Variants in IPPK observed in about 807,000 individuals in gnomAD.
IPPK encodes the protein inositol-pentakisphosphate 2-kinase.
In IPPK, 22 loss-of-function variants were observed where a neutral mutation model predicts 64.6. That is an observed-to-expected ratio of 0.34 (90% CI 0.24 to 0.49). The LOEUF is 0.49. Among genes scored for constraint, IPPK ranks in the 20% least tolerant of loss-of-function variants. IPPK has a pLI of 0.99. For missense variants in IPPK, 532 were observed against 630.7 expected, an observed-to-expected ratio of 0.84 and a Z score of 1.68; for synonymous variants, 262 against 247.2, an observed-to-expected ratio of 1.06 and a Z score of -0.56.
chr9:92,626,697 C>A (rs1375422788), intron 11 of IPPK, among the ~76,000 whole-genome samples: 1 of 152,010 alleles, frequency 6.6e-6, no homozygotes, highest in Non-Finnish European at 1.5e-5. Flanking sequence ...CATAAATCCA[C>A]AAATAGAGAA....
intron 12 of IPPK, chr9:92,618,799 T>C (rs1166455025): frequency 2.8e-6 from 1 of 353,872 alleles, no homozygotes; most frequent in Non-Finnish European, 5.6e-6. Flanking sequence ...GGAAAGTGAG[T>C]GGCTGGCAGC....
chr9:92,631,560 T>C (rs1253061504), intron 11 of IPPK, among the ~76,000 whole-genome samples: 1 of 152,208 alleles, frequency 6.6e-6, no homozygotes, highest in Non-Finnish European at 1.5e-5. Flanking sequence ...ACTCCTCAGC[T>C]TCAGCTTCAC....
chr9:92,655,668 T>C (rs1363394231), intron 3 of IPPK, among the ~76,000 whole-genome samples: 1 of 152,224 alleles, frequency 6.6e-6, no homozygotes, highest in Non-Finnish European at 1.5e-5. Context: ...CTGGTGGATC[T>C]TGCCTCCAAG....
At chr9:92,656,281 G>GA (rs1852370878) in intron 3 of IPPK, among the ~76,000 whole-genome samples, 175 bp downstream of exon 3, 1 of 152,166 alleles carries the variant, frequency 6.6e-6, no homozygotes, top group South Asian at 2.1e-4. Context: ...TCTCAGCTAG[G>GA]AAAGAGAAAC....
At chr9:92,640,618 G>A (rs1407455227) in intron 8 of IPPK, 92 bp downstream of exon 8, 10 of 857,430 alleles carry the variant, frequency 1.2e-5, no homozygotes, top group Admixed American at 1.7e-5. Context: ...CACACATGAC[G>A]TGCAGCCCAG....
intron 1 of IPPK, among the ~76,000 whole-genome samples, chr9:92,666,906 G>A (rs16908487): frequency 0.027 from 4,072 of 152,086 alleles, 57 homozygotes; most frequent in African/African-American, 0.032. Flanking sequence ...CAAGTCCTGC[G>A]CTGCACAGAA....
intron 9 of IPPK, among the ~76,000 whole-genome samples, chr9:92,636,687 T>C (rs543935305): frequency 6.6e-6 from 1 of 152,016 alleles, no homozygotes; most frequent in Non-Finnish European, 1.5e-5. Flanking sequence ...ATGATATAGA[T>C]ACAGATTTAT....
intron 11 of IPPK, among the ~76,000 whole-genome samples, chr9:92,623,519 C>A (rs1375317031): frequency 1.3e-5 from 2 of 151,602 alleles, no homozygotes; most frequent in Non-Finnish European, 2.9e-5. Flanking sequence ...TGACAAAGGG[C>A]TTCTATCCAG....
intron 11 of IPPK, among the ~76,000 whole-genome samples, chr9:92,628,863 G>C (rs991966586): frequency 9.9e-5 from 15 of 151,946 alleles, no homozygotes; most frequent in Non-Finnish European, 1.3e-4. Context: ...CTGGGTGACA[G>C]AGTGAGACTC....
intron 1 of IPPK, among the ~76,000 whole-genome samples, chr9:92,664,454 T>A (rs1173485463): frequency 6.6e-6 from 1 of 152,128 alleles, no homozygotes; most frequent in East Asian, 1.9e-4. Flanking sequence ...GTATGGGGCA[T>A]GTCCTCAAGC....
rs368420146 is a variant in IPPK, at chr9:92,638,038, G to A, written c.879C>T (p.Cys293=). 10 of 1,597,024 alleles carry A rather than the reference G, an allele frequency of 6.3e-6. No homozygotes were observed. The African/African-American group carries it at 6.7e-5, about 11-fold the overall frequency. ...GGCTCCTACTGAAAGGGCTGGCTTC[G>A]CAGACTCGCGGGCCCTGAGGCCCGA... ...PGLGPQGPRV[C]EASPFSRSLR... Residue 293 remains cysteine, a synonymous_variant, in exon 9 of 13, where the codon TGC becomes TGT. Coordinates refer to ENST00000287996, the MANE Select transcript of IPPK (RefSeq NM_022755.6).
At position 92,635,087 on chromosome 9, in the gene IPPK, C is replaced by T. The variant is rs376073558; in HGVS notation, c.1067+71G>A. The stretch of plus-strand genomic sequence containing the variant: ...TCCTGGGAAGCTGTGCCTTGGGAGG[C>T]GCATTCTTACCCTGCCCACTCCCAC... On this transcript the variant is annotated intron_variant, in intron 10 of 12. Transcript: ENST00000287996. This position sits in a 1 kb window ranked among gnomAD's most constrained non-coding sequence, Gnocchi z 4.4. 2.4e-4 allele frequency: 334 copies of T among 1,419,104 alleles called. 2 individuals carry two copies. In the East Asian group the frequency reaches 5.9e-3, roughly 25 times the overall value. The allele number at this position is 1,419,104 out of a possible 1,614,324, so 87.9% of individuals were successfully genotyped here. A position where few individuals can be genotyped will look rare whatever the true frequency, so the allele number is the denominator to read the frequency against.
At chr9:92,616,406 G>A (rs776176754) in intron 12 of IPPK, 8 of 205,284 alleles carry the variant, frequency 3.9e-5, no homozygotes, top group Admixed American at 1.6e-4. Context: ...ACATGTGAGC[G>A]ATGTTCCCCC....
In IPPK at chr9:92,618,572, C is replaced by T. The variant is rs73526054; in HGVS notation, c.1250+914G>A. 1,091 of 456,668 alleles carry T rather than the reference C, an allele frequency of 2.4e-3. 14 individuals carry two copies. The highest frequency in any genetic ancestry group is 0.019 in the African/African-American group (960 of 50,166). The allele number at this position is 456,668 out of a possible 1,614,324, so 28.3% of individuals were successfully genotyped here. On this transcript the variant is annotated intron_variant, in intron 12 of 12. Coordinates refer to ENST00000287996, the MANE Select transcript of IPPK (RefSeq NM_022755.6). ...GGTATCTTCGTGGGTTTTCTCTCAT[C>T]GAACACCACCAGCTTAATCCAGTTA...
intron 1 of IPPK, among the ~76,000 whole-genome samples, chr9:92,660,894 A>C (rs556373723): frequency 5.3e-5 from 8 of 152,210 alleles, no homozygotes; most frequent in Non-Finnish European, 1.0e-4. Flanking sequence ...ATGAAGAAAA[A>C]ATTTTTAAAA....
intron 9 of IPPK, among the ~76,000 whole-genome samples, chr9:92,636,763 T>A (rs545817159): frequency 6.6e-6 from 1 of 152,306 alleles, no homozygotes; most frequent in South Asian, 2.1e-4. Flanking sequence ...TGTTTTAAAC[T>A]GCACATCCCA....
At chr9:92,639,390 T>C (rs1249701300) in intron 8 of IPPK, among the ~76,000 whole-genome samples, 1 of 152,236 alleles carries the variant, frequency 6.6e-6, no homozygotes, top group Non-Finnish European at 1.5e-5. Context: ...TCTGTCTTGC[T>C]GGCTTTCAAT....
At chr9:92,655,560 G>A (rs1053391531) in intron 3 of IPPK, among the ~76,000 whole-genome samples, 3 of 152,018 alleles carry the variant, frequency 2.0e-5, no homozygotes, top group Non-Finnish European at 4.4e-5. Context: ...AGTCCCTAAC[G>A]CTCACCCCAC....
At chr9:92,638,846 GC>G (rs1468839499) in intron 8 of IPPK, among the ~76,000 whole-genome samples, 1 of 152,136 alleles carries the variant, frequency 6.6e-6, no homozygotes, top group African/African-American at 2.4e-5. Flanking sequence ...CTTAAATCAA[GC>G]CCAGCAAAGA....
Sources: gnomAD v4.1 joint callset for allele counts (sites outside exome capture counted in the v4.1 genomes callset) on GRCh38, gnomAD v4.1.1 for gene constraint, Gnocchi (gnomAD v3.1) non-coding constraint, MANE v1.5 for transcripts, NCBI Gene and HGNC (gene_info 2026-07-23, HGNC 2026-07-21) for gene names.